SGCD: variants seen among roughly 807,000 people sequenced by gnomAD.
SGCD encodes the protein delta-sarcoglycan.
Under a neutral mutation model 36.6 loss-of-function variants are expected in SGCD, and 18 were observed. That is an observed-to-expected ratio of 0.49 (90% CI 0.34 to 0.73). The LOEUF is 0.73. Among genes scored for constraint, SGCD ranks in the 30% least tolerant of loss-of-function variants. The pLI is 0.01. For synonymous variants in SGCD, 133 were observed against 130.6 expected, an observed-to-expected ratio of 1.02 and a Z score of -0.12; for missense variants, 387 against 346.7, an observed-to-expected ratio of 1.12 and a Z score of -0.92.
chr5:155,922,288 A>T (rs373379009), intron 1 of SGCD, among the ~76,000 whole-genome samples: 10 of 152,212 alleles, frequency 6.6e-5, no homozygotes, highest in African/African-American at 2.2e-4. Context: ...ACACCATGAG[A>T]CAAGATTTAG....
chr5:156,026,967 T>C (rs1481920551), intron 1 of SGCD, among the ~76,000 whole-genome samples: 1 of 152,196 alleles, frequency 6.6e-6, no homozygotes, highest in African/African-American at 2.4e-5. Flanking sequence ...TCAATAAAGC[T>C]TTACAAAATC....
At chr5:156,714,495 A>G (rs1755135049) in intron 7 of SGCD, among the ~76,000 whole-genome samples, 1 of 152,232 alleles carries the variant, frequency 6.6e-6, no homozygotes, top group Admixed American at 6.5e-5. Flanking sequence ...ACTATTTATT[A>G]AATAAGGTAT....
chr5:155,779,101 T>G, the SGCD span, among the ~76,000 whole-genome samples: 1 of 152,190 alleles, frequency 6.6e-6, no homozygotes, highest in Admixed American at 6.6e-5. Context: ...GCATATATAT[T>G]TTATTCATGC....
intron 4 of SGCD, among the ~76,000 whole-genome samples, chr5:156,540,083 T>C (rs1417380272): frequency 6.6e-6 from 1 of 152,180 alleles, no homozygotes; most frequent in African/African-American, 2.4e-5. Context: ...AAACAGGTTC[T>C]GAGAGGTCTT....
At chr5:156,512,284 C>A (rs1253039427) in intron 4 of SGCD, among the ~76,000 whole-genome samples, 1 of 150,428 alleles carries the variant, frequency 6.6e-6, no homozygotes, top group Non-Finnish European at 1.5e-5. Context: ...ACCTTGAATA[C>A]TATTCTGTAC....
chr5:156,441,430 ACG>A (rs1442012725), intron 3 of SGCD, among the ~76,000 whole-genome samples: 4 of 152,198 alleles, frequency 2.6e-5, no homozygotes, highest in Non-Finnish European at 5.9e-5. Flanking sequence ...CACATGTGAT[ACG>A]TAGTGCATGC....
intron 4 of SGCD, among the ~76,000 whole-genome samples, chr5:156,582,426 G>A (rs1335804523): frequency 6.6e-6 from 1 of 152,098 alleles, no homozygotes; most frequent in Non-Finnish European, 1.5e-5. Context: ...TAGCATTCCT[G>A]TCCACAGCCA....
the SGCD span, among the ~76,000 whole-genome samples, chr5:155,733,366 C>G: frequency 6.6e-6 from 1 of 152,216 alleles, no homozygotes; most frequent in Non-Finnish European, 1.5e-5. Context: ...CTTTTCCCTT[C>G]TATTTCATTG....
At chr5:155,806,288 G>A in the SGCD span, among the ~76,000 whole-genome samples, 1 of 152,116 alleles carries the variant, frequency 6.6e-6, no homozygotes, top group African/African-American at 2.4e-5. Flanking sequence ...CCAAGTAGCT[G>A]GGATTACAGG....
the SGCD span, among the ~76,000 whole-genome samples, chr5:155,817,288 T>C: frequency 6.6e-6 from 1 of 152,070 alleles, no homozygotes; most frequent in Admixed American, 6.6e-5. Flanking sequence ...TTCACAAAAA[T>C]AGATTCATGG....
the SGCD span, among the ~76,000 whole-genome samples, chr5:155,859,067 TC>T: frequency 6.6e-6 from 1 of 152,016 alleles, no homozygotes; most frequent in African/African-American, 2.4e-5. Flanking sequence ...TCTTTTCTTT[TC>T]TTTTCCTTTT....
intron 1 of SGCD, among the ~76,000 whole-genome samples, chr5:156,328,579 C>T (rs1767919572): frequency 6.6e-6 from 1 of 152,106 alleles, no homozygotes; most frequent in Non-Finnish European, 1.5e-5. Flanking sequence ...CTGCATAAGA[C>T]CTAGAATGAG....
chr5:156,053,166 A>G lies in SGCD; in HGVS notation c.-281-64712A>G, dbSNP rs1012913830. ...GCCAGTTGGGGCATTTACAACCACT[A>G]CCATGCCCTACTTGAGACACCACAG... is the stretch of plus-strand genomic sequence containing the variant. On this transcript the variant is annotated intron_variant, in intron 1 of 9. Coordinates refer to the SGCD transcript ENST00000517913. Among the ~76,000 whole-genome samples, 4 of 146,448 alleles carry G rather than the reference A, an allele frequency of 2.7e-5. 1 individual carries two copies. The highest frequency in any genetic ancestry group is 6.2e-5 in the Non-Finnish European group (4 of 64,860).
intron 6 of SGCD, among the ~76,000 whole-genome samples, chr5:156,611,872 T>A (rs1265843381): frequency 6.6e-6 from 1 of 152,238 alleles, no homozygotes; most frequent in East Asian, 1.9e-4. Context: ...TTATTGACAC[T>A]GTCAGTCATA....
intron 1 of SGCD, among the ~76,000 whole-genome samples, chr5:155,988,285 G>A (rs551679698): frequency 1.3e-5 from 2 of 152,180 alleles, no homozygotes; most frequent in Admixed American, 6.5e-5. Flanking sequence ...GGAGAAAATG[G>A]AAGTGGTGCC....
At chr5:156,486,948 C>T (rs1248755532) in intron 3 of SGCD, among the ~76,000 whole-genome samples, 1 of 152,198 alleles carries the variant, frequency 6.6e-6, no homozygotes, top group Non-Finnish European at 1.5e-5. Flanking sequence ...TGATACCACA[C>T]ATGCCACCCA....
intron 7 of SGCD, among the ~76,000 whole-genome samples, chr5:156,695,519 A>AGATAGATAGATAGATAGATAGATG (rs1754282160): frequency 1.9e-4 from 1 of 5,298 alleles, no homozygotes; most frequent in African/African-American, 5.8e-4. Flanking sequence ...ATGGATAGAT[A>AGATAGATAGATAGATAGATAGATG]GATAGATAGA....
the SGCD span, among the ~76,000 whole-genome samples, chr5:155,801,106 C>A: frequency 6.6e-6 from 1 of 152,106 alleles, no homozygotes; most frequent in Non-Finnish European, 1.5e-5. Flanking sequence ...GGAACTGATC[C>A]ACCTCTCTGC....
intron 3 of SGCD, among the ~76,000 whole-genome samples, chr5:156,235,891 A>G (rs1228255450): frequency 6.6e-6 from 1 of 152,204 alleles, no homozygotes; most frequent in Non-Finnish European, 1.5e-5. Context: ...AAAGAAGAAG[A>G]AGGACTTTTG....
Sources: gnomAD v4.1 joint callset for allele counts (sites outside exome capture counted in the v4.1 genomes callset) on GRCh38, gnomAD v4.1.1 for gene constraint, MANE v1.5 for transcripts, NCBI Gene and HGNC (gene_info 2026-07-23, HGNC 2026-07-21) for gene names.